The following WDR7 variants were observed in gnomAD, a reference collection of about 807,000 sequenced individuals.
The protein encoded by WDR7 is WD repeat domain 7.
A neutral mutation model predicts 169.4 loss-of-function variants in WDR7; 46 were observed. The ratio of observed to expected loss-of-function variants is 0.27; its 90% CI spans 0.21 to 0.35. The LOEUF (loss-of-function observed/expected upper bound fraction) is 0.35, where lower values mean the gene tolerates loss of function less well. Ranked by LOEUF, WDR7 falls within the 10% of genes least tolerant of loss-of-function variation. WDR7 has a pLI of 1.00. For missense variants in WDR7, 1,534 were observed against 1,859.3 expected, an observed-to-expected ratio of 0.83 and a Z score of 3.22; for synonymous variants, 612 against 666.8, an observed-to-expected ratio of 0.92 and a Z score of 1.27.
intron 15 of WDR7, among the ~76,000 whole-genome samples, chr18:56,757,663 A>G (rs746058579): frequency 9.9e-5 from 15 of 152,128 alleles, no homozygotes; most frequent in Admixed American, 2.0e-4. Flanking sequence ...AGTTTGCCCT[A>G]ATATTCAATT....
intron 21 of WDR7, among the ~76,000 whole-genome samples, chr18:56,908,267 G>T (rs1260521929): frequency 2.0e-5 from 3 of 152,058 alleles, no homozygotes; most frequent in African/African-American, 7.2e-5. Flanking sequence ...TTGGAATATT[G>T]GTTTGCCTTT....
chr18:56,759,093 A>G (rs1413751966), intron 16 of WDR7, 140 bp downstream of exon 16: 2 of 561,454 alleles, frequency 3.6e-6, no homozygotes, highest in African/African-American at 3.9e-5. Context: ...AGATGTAAAT[A>G]TGGATAATTA....
intron 19 of WDR7, among the ~76,000 whole-genome samples, chr18:56,804,970 C>G (rs1350296760): frequency 6.6e-6 from 1 of 152,096 alleles, no homozygotes; most frequent in Non-Finnish European, 1.5e-5. Flanking sequence ...TCTCAGAGAC[C>G]AATTTCCCTT....
chr18:56,970,253 T>A (rs1001490084), intron 26 of WDR7, among the ~76,000 whole-genome samples: 1 of 136,952 alleles, frequency 7.3e-6, no homozygotes, highest in South Asian at 2.1e-4. Context: ...TTTTTGCTGT[T>A]TTTTTTTTCC....
chr18:56,922,950 A>T (rs928086027), intron 21 of WDR7, among the ~76,000 whole-genome samples: 1 of 152,202 alleles, frequency 6.6e-6, no homozygotes, highest in African/African-American at 2.4e-5. Flanking sequence ...GCTCAGTAGT[A>T]TGAGAAAAGT....
intron 26 of WDR7, among the ~76,000 whole-genome samples, chr18:56,999,586 G>GA (rs958327660): frequency 6.6e-6 from 1 of 151,994 alleles, no homozygotes; most frequent in Non-Finnish European, 1.5e-5. Flanking sequence ...AAAATCTCTA[G>GA]AAAAAAGGGT....
intron 16 of WDR7, among the ~76,000 whole-genome samples, chr18:56,765,155 G>C (rs2044041553): frequency 6.6e-6 from 1 of 151,930 alleles, no homozygotes; most frequent in African/African-American, 2.4e-5. Context: ...TGTGTTTCTT[G>C]TGGGCAGCAT....
At chr18:56,916,183 AGGTATACGTGTGCCATGTT>A (rs1183610693) in intron 21 of WDR7, among the ~76,000 whole-genome samples, 1 of 152,202 alleles carries the variant, frequency 6.6e-6, no homozygotes, top group African/African-American at 2.4e-5. Context: ...TTTGTTACAC[AGGTATACGTGTGCCATGTT>A]GGTGTGCTGT....
intron 14 of WDR7, 116 bp downstream of exon 14, chr18:56,731,713 CTT>C: frequency 1.1e-6 from 1 of 951,186 alleles, no homozygotes; most frequent in Non-Finnish European, 1.5e-6. Context: ...GAAAAATAAA[CTT>C]TTGATTTTCA....
chr18:56,973,605 C>T (rs139951030), intron 26 of WDR7, among the ~76,000 whole-genome samples: 32 of 151,900 alleles, frequency 2.1e-4, no homozygotes, highest in Admixed American at 8.6e-4. Context: ...TCTTCATATC[C>T]ACTCTGAGTA....
At chr18:56,766,555 A>ATTTTTATTTT (rs1038442327) in intron 16 of WDR7, among the ~76,000 whole-genome samples, 2 of 151,820 alleles carry the variant, frequency 1.3e-5, no homozygotes, top group African/African-American at 4.8e-5. Context: ...TTAAAAATTT[A>ATTTTTATTTT]TTTTTATTTT....
intron 21 of WDR7, among the ~76,000 whole-genome samples, chr18:56,904,024 T>A (rs910934446): frequency 6.6e-6 from 1 of 152,120 alleles, no homozygotes; most frequent in Non-Finnish European, 1.5e-5. Context: ...GTTGATGGAT[T>A]GATAAATTTG....
chr18:56,912,022 T>C (rs186038953), intron 21 of WDR7, among the ~76,000 whole-genome samples: 1 of 152,340 alleles, frequency 6.6e-6, no homozygotes, highest in Non-Finnish European at 1.5e-5. Flanking sequence ...TTTGGGGAGG[T>C]ACATTGACAC....
In WDR7 at chr18:56,704,346, G is replaced by A. The variant is rs2025900776; in HGVS notation, c.1578+7884G>A. Among the ~76,000 whole-genome samples, 3 of 151,034 alleles carry A rather than the reference G, an allele frequency of 2.0e-5. No individual in the cohort carries two copies. The South Asian group carries it at 6.3e-4, about 32-fold the overall frequency. On this transcript the variant is annotated intron_variant, in intron 12 of 27. Coordinates refer to ENST00000254442, the MANE Select transcript of WDR7 (RefSeq NM_015285.3). Reference sequence around the variant, plus strand: ...GATGCCAGGAGTTCAAGACCAGCCTGGGCAACATAGTGAAACCCTGTCTCT... The same window carrying A: ...GATGCCAGGAGTTCAAGACCAGCCTAGGCAACATAGTGAAACCCTGTCTCT...
intron 12 of WDR7, 45 bp downstream of exon 12, chr18:56,696,507 A>G: frequency 6.8e-7 from 1 of 1,469,662 alleles, no homozygotes; most frequent in Non-Finnish European, 9.3e-7. Flanking sequence ...GGTAGAGCCA[A>G]GTTATATTAC....
the WDR7 span, chr18:57,036,534 C>G: frequency 6.6e-6 from 1 of 152,434 alleles, no homozygotes; most frequent in Non-Finnish European, 1.5e-5. Context: ...CAGCTCCCCC[C>G]TGCCTATGTA....
chr18:56,874,476 G>A (rs1358982081), intron 20 of WDR7, among the ~76,000 whole-genome samples: 2 of 151,812 alleles, frequency 1.3e-5, no homozygotes, highest in Non-Finnish European at 2.9e-5. Flanking sequence ...CAGACTAGAA[G>A]ATATTTTAAT....
At chr18:56,986,076 C>G (rs972339711) in intron 26 of WDR7, among the ~76,000 whole-genome samples, 11 of 151,012 alleles carry the variant, frequency 7.3e-5, no homozygotes, top group Admixed American at 6.6e-4. Context: ...AACAAACCTA[C>G]TTTAAATAAA....
chr18:56,846,160 G>A (rs1287182286), intron 20 of WDR7, among the ~76,000 whole-genome samples: 3 of 152,114 alleles, frequency 2.0e-5, no homozygotes, highest in Non-Finnish European at 4.4e-5. Context: ...GATAAGGTTT[G>A]GATATTTGTC....
Sources: gnomAD v4.1 joint callset for allele counts (sites outside exome capture counted in the v4.1 genomes callset) on GRCh38, gnomAD v4.1.1 for gene constraint, MANE v1.5 for transcripts, NCBI Gene and HGNC (gene_info 2026-07-23, HGNC 2026-07-21) for gene names.